The following ZC3H12C variants were observed in gnomAD, a reference collection of about 807,000 sequenced individuals.
ZC3H12C encodes the protein zinc finger CCCH-type containing 12C, also known as probable ribonuclease ZC3H12C.
In ZC3H12C, 20 loss-of-function variants were observed where a neutral mutation model predicts 76.3. The observed-to-expected ratio is 0.26, with a 90% confidence interval of 0.18 to 0.38. The LOEUF is 0.38. Ranked by LOEUF, ZC3H12C falls within the 10% of genes least tolerant of loss-of-function variation. ZC3H12C has a pLI of 1.00. For missense variants in ZC3H12C, 874 were observed against 1,086.5 expected (o/e 0.80, Z 2.75); for synonymous variants, 352 against 399.6 (o/e 0.88, Z 1.42).
intron 1 of ZC3H12C, among the ~76,000 whole-genome samples, chr11:110,114,129 A>G (rs1461417943): frequency 6.6e-6 from 1 of 152,172 alleles, no homozygotes; most frequent in Non-Finnish European, 1.5e-5. Flanking sequence ...GGGAGTATTC[A>G]TCACACAGTT....
intron 2 of ZC3H12C, among the ~76,000 whole-genome samples, chr11:110,139,450 A>G (rs660222): frequency 0.5 from 75,612 of 151,820 alleles, 19,108 homozygotes; most frequent in East Asian, 0.72. Flanking sequence ...CATTTTTGCA[A>G]TGATGTATGG....
intron 3 of ZC3H12C, among the ~76,000 whole-genome samples, chr11:110,157,906 C>T (rs1408364950): frequency 2.0e-5 from 3 of 152,158 alleles, no homozygotes; most frequent in Admixed American, 2.0e-4. Flanking sequence ...ATGGCTGTTA[C>T]ACCTGGCACA....
chr11:110,103,996 CTTT>C (rs768000382), intron 1 of ZC3H12C, among the ~76,000 whole-genome samples: 2 of 127,704 alleles, frequency 1.6e-5, no homozygotes, highest in Admixed American at 7.8e-5. Context: ...GGAAACAATT[CTTT>C]TTTTTTTTTT....
chr11:110,132,168 G>A lies in ZC3H12C; in HGVS notation c.22-4495G>A, dbSNP rs1017507083. 5.9e-5 allele frequency among the ~76,000 whole-genome samples: 9 copies of A among 151,990 alleles called. No individual in the cohort carries two copies. The East Asian group carries it at 1.2e-3, about 19-fold the overall frequency. ...ACTTTACATTACAAACAAATAAGTC[G>A]GCTTAACAAGTTTATGGTCTAATAT... On this transcript the variant is annotated intron_variant, in intron 1 of 5. Coordinates refer to ENST00000278590, the MANE Select transcript of ZC3H12C (RefSeq NM_033390.2).
intron 1 of ZC3H12C, among the ~76,000 whole-genome samples, chr11:110,122,028 G>A (rs965651616): frequency 1.3e-5 from 2 of 152,088 alleles, no homozygotes; most frequent in African/African-American, 4.8e-5. Context: ...TTTTAACAAT[G>A]CTTTGGTCAA....
In ZC3H12C at chr11:110,171,227, TCA is replaced by T. The variant is rs1862673395; in HGVS notation, c.*5491_*5492del. 1 of 152,222 alleles carries T rather than the reference TCA, an allele frequency of 6.6e-6. No individual in the cohort carries two copies. The highest frequency in any genetic ancestry group is 2.1e-4 in the South Asian group (1 of 4,834). 9.4% of individuals were successfully genotyped at this position (152,222 alleles called of 1,614,324 possible). On this transcript the variant is annotated 3_prime_UTR_variant, in exon 6 of 6. Transcript: ENST00000278590. ...ATGAAGAATAGGTGTTCAGATTCCT[TCA>T]GTTTTTTTGAAATTAGAAATTTCTT... is the stretch of plus-strand genomic sequence containing the variant.
rs1029474849 is a variant in ZC3H12C, at chr11:110,166,026, A to G, written c.*289A>G. ...AATAGATGTATCTGTGATCTTTGAT[A>G]TTAATCTTTGGTGCATCAGGGGTTT... is the stretch of plus-strand genomic sequence containing the variant. On this transcript the variant is annotated 3_prime_UTR_variant, in exon 6 of 6. Transcript: ENST00000278590. The G allele has an allele frequency of 2.9e-4, 94 of 326,902 alleles. No homozygotes were observed. Among genetic ancestry groups the G allele is most frequent in the Non-Finnish European group, 3.7e-4 (66 of 178,664 alleles). 20.3% of individuals were successfully genotyped at this position (326,902 alleles called of 1,614,324 possible). A position where few individuals can be genotyped will look rare whatever the true frequency, so the allele number is the denominator to read the frequency against.
intron 4 of ZC3H12C, among the ~76,000 whole-genome samples, chr11:110,162,577 C>CA (rs1177079047): frequency 6.6e-6 from 1 of 152,078 alleles, no homozygotes; most frequent in African/African-American, 2.4e-5. Context: ...TTTATTAGTC[C>CA]ATCCAAAATA....
chr11:110,105,375 T>A (rs1591457779), intron 1 of ZC3H12C, among the ~76,000 whole-genome samples: 1 of 152,198 alleles, frequency 6.6e-6, no homozygotes, highest in East Asian at 1.9e-4. Context: ...AATACATTAT[T>A]TCTAGTTTTG....
intron 1 of ZC3H12C, among the ~76,000 whole-genome samples, chr11:110,110,473 A>C (rs1458771196): frequency 6.6e-6 from 1 of 152,104 alleles, no homozygotes; most frequent in African/African-American, 2.4e-5. Flanking sequence ...CTCCACCCTC[A>C]CACTCAAGAT....
chr11:110,169,304 GCT>G lies in ZC3H12C; in HGVS notation c.*3570_*3571del, dbSNP rs1389271563. The G allele has an allele frequency of 6.7e-6, 1 of 150,130 alleles. No homozygotes were observed. The highest frequency in any genetic ancestry group is 2.5e-5 in the African/African-American group (1 of 40,680). 9.3% of individuals were successfully genotyped at this position (150,130 alleles called of 1,614,324 possible). On this transcript the variant is annotated 3_prime_UTR_variant, in exon 6 of 6. Transcript: ENST00000278590. The stretch of plus-strand genomic sequence containing the variant: ...ACAAATATACTTTGCTTATGTTATA[GCT>G]CTTAGTTTGTGACAGGTGGGAGGAT...
At chr11:110,113,000 T>G (rs61900162) in intron 1 of ZC3H12C, among the ~76,000 whole-genome samples, 3 of 15,924 alleles carry the variant, frequency 1.9e-4, no homozygotes, top group Admixed American at 1.6e-3. Flanking sequence ...CGCCCCCCCC[T>G]ACCAAAAAAA....
chr11:110,148,462 T>G (rs1862209659), intron 2 of ZC3H12C, among the ~76,000 whole-genome samples: 1 of 152,214 alleles, frequency 6.6e-6, no homozygotes, highest in African/African-American at 2.4e-5. Context: ...CAGTTGTAAC[T>G]TGGAATTTAC....
Position 110,164,863 on chromosome 11 carries a change from T to G in ZC3H12C, c.1778T>G (p.Leu593Trp), listed in dbSNP as rs769702486. The change falls in exon 6 of 6, where the codon TTG (leucine) becomes TGG (tryptophan). Residue 593 changes from leucine to tryptophan, a missense_variant. Physicochemically the swap from Leu to Trp is moderately conservative, Grantham distance 61. Coordinates refer to ENST00000278590, the MANE Select transcript of ZC3H12C (RefSeq NM_033390.2). This position sits in a 1 kb window ranked among gnomAD's most constrained non-coding sequence, Gnocchi z 5.7. ...SPVDIGYYSM[L>W]NAYSNLSLSG... ...GTCGACATCGGATATTATTCCATGT[T>G]GAATGCATACTCAAATCTGAGTCTC... The G allele has an allele frequency of 6.2e-7, 1 of 1,614,056 alleles. No individual in the cohort carries two copies. Among genetic ancestry groups the G allele is most frequent in the Non-Finnish European group, 8.5e-7 (1 of 1,179,902 alleles).
intron 1 of ZC3H12C, among the ~76,000 whole-genome samples, chr11:110,118,199 T>C (rs1323437739): frequency 6.6e-6 from 1 of 151,190 alleles, no homozygotes; most frequent in Non-Finnish European, 1.5e-5. Flanking sequence ...AAAGTCACCC[T>C]TGTTCTTTAA....
At chr11:110,163,719 C>T (rs1288505226) in intron 5 of ZC3H12C, among the ~76,000 whole-genome samples, 1 of 152,082 alleles carries the variant, frequency 6.6e-6, no homozygotes, top group Non-Finnish European at 1.5e-5. Flanking sequence ...CTGTGCTCTT[C>T]AAAACAGAAT....
chr11:110,120,844 G>A (rs1022565791), intron 1 of ZC3H12C, among the ~76,000 whole-genome samples: 1 of 152,150 alleles, frequency 6.6e-6, no homozygotes, highest in African/African-American at 2.4e-5. Context: ...GCCAGACCCT[G>A]TGCAAAACTC....
At chr11:110,126,134 G>A (rs1319322909) in intron 1 of ZC3H12C, among the ~76,000 whole-genome samples, 2 of 151,680 alleles carry the variant, frequency 1.3e-5, no homozygotes, top group Non-Finnish European at 2.9e-5. Context: ...ATTTTTAGGA[G>A]CAAATATGAT....
In ZC3H12C at chr11:110,170,027, T is replaced by C. The variant is rs1323225276; in HGVS notation, c.*4290T>C. The C allele has an allele frequency of 6.6e-6, 1 of 152,198 alleles. No individual in the cohort carries two copies. Among genetic ancestry groups the C allele is most frequent in the Admixed American group, 6.5e-5 (1 of 15,284 alleles). The allele number at this position is 152,198 out of a possible 1,614,324, so 9.4% of individuals were successfully genotyped here. Reference sequence around the variant, plus strand: ...TCAAGCAGTAAATCCTGGTATATGTTAATAGAAGAAATCATAATTGCATTT... The same window carrying C: ...TCAAGCAGTAAATCCTGGTATATGTCAATAGAAGAAATCATAATTGCATTT... On this transcript the variant is annotated 3_prime_UTR_variant, in exon 6 of 6. Transcript: ENST00000278590.
Sources: gnomAD v4.1 joint callset for allele counts (sites outside exome capture counted in the v4.1 genomes callset) on GRCh38, gnomAD v4.1.1 for gene constraint, Gnocchi (gnomAD v3.1) non-coding constraint, MANE v1.5 for transcripts, NCBI Gene and HGNC (gene_info 2026-07-23, HGNC 2026-07-21) for gene names.